Variants in PTPRM observed in about 807,000 individuals in gnomAD.
The protein encoded by PTPRM is receptor-type tyrosine-protein phosphatase mu.
A neutral mutation model predicts 186.7 loss-of-function variants in PTPRM; 47 were observed. That is an observed-to-expected ratio of 0.25 (90% CI 0.20 to 0.32). The LOEUF (loss-of-function observed/expected upper bound fraction) is 0.32, where lower values mean the gene tolerates loss of function less well. Among genes scored for constraint, PTPRM ranks in the 10% least tolerant of loss-of-function variants. The pLI, the probability that PTPRM is intolerant of heterozygous loss-of-function variation, is 1.00. For synonymous variants in PTPRM, 668 were observed against 674.9 expected, an observed-to-expected ratio of 0.99 and a Z score of 0.16; for missense variants, 1,494 against 1,865.0, an observed-to-expected ratio of 0.80 and a Z score of 3.66.
chr18:7,717,637 A>G (rs901099028), intron 1 of PTPRM, among the ~76,000 whole-genome samples: 2 of 152,224 alleles, frequency 1.3e-5, no homozygotes, highest in African/African-American at 4.8e-5. Context: ...GGGCCCACTG[A>G]GCTGTTAACA....
chr18:8,299,313 ACT>A (rs2095130310), intron 20 of PTPRM, among the ~76,000 whole-genome samples: 2 of 151,912 alleles, frequency 1.3e-5, no homozygotes, highest in African/African-American at 4.8e-5. Flanking sequence ...TTTTTGCCAG[ACT>A]CTGTGGGAGG....
intron 1 of PTPRM, among the ~76,000 whole-genome samples, chr18:7,609,351 G>T (rs903577720): frequency 1.3e-5 from 2 of 152,164 alleles, no homozygotes; most frequent in African/African-American, 4.8e-5. Flanking sequence ...GGGGACAGCA[G>T]CATAGGTAGT....
intron 7 of PTPRM, among the ~76,000 whole-genome samples, chr18:8,065,198 A>G (rs75889157): frequency 3.9e-5 from 6 of 152,210 alleles, no homozygotes; most frequent in Non-Finnish European, 5.9e-5. Context: ...TTCCAAAGAA[A>G]TGAGCTGTGA....
chr18:8,044,939 C>T (rs2086941087), intron 7 of PTPRM, among the ~76,000 whole-genome samples: 1 of 152,114 alleles, frequency 6.6e-6, no homozygotes, highest in Non-Finnish European at 1.5e-5. Flanking sequence ...CTTCATAAAA[C>T]AGTCTGACAG....
intron 10 of PTPRM, among the ~76,000 whole-genome samples, chr18:8,088,268 A>G (rs919981588): frequency 3.6e-5 from 5 of 140,520 alleles, no homozygotes; most frequent in Non-Finnish European, 6.2e-5. Context: ...TCTGACTCCC[A>G]CTGTCCTCTT....
Position 7,726,043 on chromosome 18 carries a change from C to T in PTPRM, c.74-48106C>T, listed in dbSNP as rs74489283. Reference sequence around the variant, plus strand: ...GCCAGTACAGAGTTCGCTCTTGCTCCTCCCCAAAAGCGCTCGCCCCAGCTC... The same window carrying T: ...GCCAGTACAGAGTTCGCTCTTGCTCTTCCCCAAAAGCGCTCGCCCCAGCTC... On this transcript the variant is annotated intron_variant, in intron 1 of 32. Coordinates refer to ENST00000580170, the MANE Select transcript of PTPRM (RefSeq NM_001105244.2). 2.8e-4 allele frequency among the ~76,000 whole-genome samples: 42 copies of T among 152,276 alleles called. No homozygotes were observed. The East Asian group carries it at 7.6e-3, about 27-fold the overall frequency.
At chr18:8,027,165 T>C (rs1348059334) in intron 7 of PTPRM, among the ~76,000 whole-genome samples, 1 of 152,200 alleles carries the variant, frequency 6.6e-6, no homozygotes, top group Non-Finnish European at 1.5e-5. Flanking sequence ...CAAAATTCAC[T>C]TCTAACAAAG....
At chr18:7,778,424 T>A (rs1160127325) in intron 2 of PTPRM, among the ~76,000 whole-genome samples, 1 of 152,142 alleles carries the variant, frequency 6.6e-6, no homozygotes, top group Non-Finnish European at 1.5e-5. Flanking sequence ...TTCATATCAG[T>A]TGATCTTCTC....
chr18:7,873,960 G>A (rs1449981572), intron 2 of PTPRM, among the ~76,000 whole-genome samples: 1 of 151,952 alleles, frequency 6.6e-6, no homozygotes, highest in African/African-American at 2.4e-5. Context: ...TTTATTGGAT[G>A]TTCTTTGTCG....
intron 13 of PTPRM, among the ~76,000 whole-genome samples, chr18:8,140,955 A>G (rs2092753481): frequency 6.6e-6 from 1 of 152,230 alleles, no homozygotes; most frequent in Non-Finnish European, 1.5e-5. Context: ...GATTTGGGTG[A>G]GGAAAAATAA....
At chr18:8,016,325 G>C (rs1600085952) in intron 7 of PTPRM, among the ~76,000 whole-genome samples, 3 of 152,092 alleles carry the variant, frequency 2.0e-5, no homozygotes, top group Non-Finnish European at 4.4e-5. Context: ...TTCGAGACCA[G>C]CCTGGCCAAC....
intron 1 of PTPRM, among the ~76,000 whole-genome samples, chr18:7,726,272 G>T (rs1264196786): frequency 6.6e-6 from 1 of 152,124 alleles, no homozygotes; most frequent in Admixed American, 6.5e-5. Context: ...GTTCATGGTG[G>T]TCATTTACAT....
intron 5 of PTPRM, among the ~76,000 whole-genome samples, chr18:7,931,262 G>A (rs910106921): frequency 1.6e-4 from 24 of 151,804 alleles, no homozygotes; most frequent in African/African-American, 4.8e-4. Context: ...TCAACTTTCC[G>A]ATCACTTTTT....
At chr18:8,402,565 T>C (rs2095877773) in intron 32 of PTPRM, among the ~76,000 whole-genome samples, 1 of 152,310 alleles carries the variant, frequency 6.6e-6, no homozygotes, top group South Asian at 2.1e-4. Context: ...CAATTAGGCT[T>C]GTATAAAATC....
intron 11 of PTPRM, among the ~76,000 whole-genome samples, chr18:8,098,973 G>A (rs917362242): frequency 1.3e-5 from 2 of 152,018 alleles, no homozygotes; most frequent in Non-Finnish European, 2.9e-5. Flanking sequence ...CACTTCCTGG[G>A]GCAGCCTCCC....
intron 5 of PTPRM, among the ~76,000 whole-genome samples, chr18:7,929,876 A>G (rs1021761321): frequency 2.0e-5 from 3 of 152,158 alleles, no homozygotes; most frequent in Non-Finnish European, 2.9e-5. Context: ...CTAGAGTTGT[A>G]ATACACTAAC....
chr18:8,156,614 G>A (rs1217357812), intron 14 of PTPRM, among the ~76,000 whole-genome samples: 1 of 152,186 alleles, frequency 6.6e-6, no homozygotes, highest in East Asian at 1.9e-4. Flanking sequence ...CTAAGTCAGT[G>A]CATCTGACTT....
At chr18:8,263,202 G>T (rs1313271031) in intron 19 of PTPRM, among the ~76,000 whole-genome samples, 1 of 151,914 alleles carries the variant, frequency 6.6e-6, no homozygotes, top group Non-Finnish European at 1.5e-5. Flanking sequence ...TCCATCTGCC[G>T]GGTTCAAGAG....
chr18:7,695,096 G>A (rs2039815829), intron 1 of PTPRM, among the ~76,000 whole-genome samples: 2 of 152,180 alleles, frequency 1.3e-5, no homozygotes, highest in Admixed American at 1.3e-4. Context: ...CTGCTCAGTC[G>A]CAAAGTCAGG....
Sources: allele counts gnomAD v4.1 joint callset (sites outside exome capture counted in the v4.1 genomes callset), GRCh38; gene constraint gnomAD v4.1.1; transcripts MANE v1.5; gene names NCBI Gene and HGNC (gene_info 2026-07-23, HGNC 2026-07-21).